FBXL17: variants seen among roughly 807,000 people sequenced by gnomAD.
FBXL17 encodes F-box/LRR-repeat protein 17.
A neutral mutation model predicts 66.2 loss-of-function variants in FBXL17; 22 were observed. The ratio of observed to expected loss-of-function variants is 0.33; its 90% CI spans 0.24 to 0.47. The LOEUF is 0.47. FBXL17 is among the 20% of genes least tolerant of loss of function. The pLI, the probability that FBXL17 is intolerant of heterozygous loss-of-function variation, is 1.00. For missense variants in FBXL17, 878 were observed against 948.2 expected, an observed-to-expected ratio of 0.93 and a Z score of 0.97; for synonymous variants, 474 against 400.5, an observed-to-expected ratio of 1.18 and a Z score of -2.19.
chr5:107,931,554 G>T (rs1261420684), intron 7 of FBXL17, among the ~76,000 whole-genome samples: 1 of 127,754 alleles, frequency 7.8e-6, no homozygotes, highest in Non-Finnish European at 1.8e-5. Flanking sequence ...ATGAGGCTGA[G>T]AATTTTTTTT....
At chr5:108,302,823 T>G (rs745363926) in intron 4 of FBXL17, among the ~76,000 whole-genome samples, 18 of 151,940 alleles carry the variant, frequency 1.2e-4, no homozygotes, top group Non-Finnish European at 2.2e-4. Context: ...TACAAATCAG[T>G]AATAATTCAT....
chr5:108,006,251 A>G (rs940126026), intron 7 of FBXL17, among the ~76,000 whole-genome samples: 5 of 152,240 alleles, frequency 3.3e-5, no homozygotes, highest in Non-Finnish European at 5.9e-5. Context: ...AAATTGTAGA[A>G]TGTTCATTGA....
At chr5:108,028,703 C>G (rs1754919073) in intron 6 of FBXL17, among the ~76,000 whole-genome samples, 1 of 152,088 alleles carries the variant, frequency 6.6e-6, no homozygotes, top group Non-Finnish European at 1.5e-5. Flanking sequence ...GCAACTCAGA[C>G]AAGATGCTGA....
intron 7 of FBXL17, among the ~76,000 whole-genome samples, chr5:107,980,250 A>G (rs1159129931): frequency 6.6e-6 from 1 of 152,106 alleles, no homozygotes; most frequent in Non-Finnish European, 1.5e-5. Flanking sequence ...AAAATGATAA[A>G]AGGACTTGAT....
intron 7 of FBXL17, among the ~76,000 whole-genome samples, chr5:108,005,207 C>A (rs1201094993): frequency 6.6e-6 from 1 of 151,292 alleles, no homozygotes; most frequent in Non-Finnish European, 1.5e-5. Context: ...CTCCCTCATG[C>A]AAAAATAAAA....
chr5:108,141,941 T>C (rs570272007), intron 6 of FBXL17, among the ~76,000 whole-genome samples: 1 of 152,364 alleles, frequency 6.6e-6, no homozygotes, highest in African/African-American at 2.4e-5. Flanking sequence ...CTCTCTGATA[T>C]ACTTCCAGCA....
At chr5:108,276,536 A>C (rs1216144702) in intron 4 of FBXL17, among the ~76,000 whole-genome samples, 1 of 152,126 alleles carries the variant, frequency 6.6e-6, no homozygotes, top group Non-Finnish European at 1.5e-5. Context: ...AAAACACTGC[A>C]ATCTACCACC....
chr5:108,198,594 G>C (rs1021943295), intron 5 of FBXL17, among the ~76,000 whole-genome samples: 2 of 152,144 alleles, frequency 1.3e-5, no homozygotes, highest in African/African-American at 4.8e-5. Context: ...CATTTTAAAG[G>C]GCAAGTAAGG....
At chr5:107,880,458 T>A in intron 8 of FBXL17, 1 of 992,860 alleles carries the variant, frequency 1.0e-6, no homozygotes, top group South Asian at 4.6e-5. Context: ...CCTGGCTGGT[T>A]CTACAGGCCT....
chr5:108,142,483 C>T (rs946421290), intron 6 of FBXL17, among the ~76,000 whole-genome samples: 2 of 152,132 alleles, frequency 1.3e-5, no homozygotes, highest in Admixed American at 1.3e-4. Context: ...TTTCTTAAAT[C>T]AACTCAAAGC....
chr5:108,143,782 C>T (rs900838767), intron 6 of FBXL17, among the ~76,000 whole-genome samples: 1 of 146,244 alleles, frequency 6.8e-6, no homozygotes, highest in Non-Finnish European at 1.5e-5. Context: ...GACTGATACT[C>T]ATCCTGTCTG....
At chr5:107,955,980 T>A (rs1207695315) in intron 7 of FBXL17, among the ~76,000 whole-genome samples, 1 of 152,162 alleles carries the variant, frequency 6.6e-6, no homozygotes, top group African/African-American at 2.4e-5. Flanking sequence ...TTACCTCTAA[T>A]TCATCTGAAG....
intron 6 of FBXL17, among the ~76,000 whole-genome samples, chr5:108,185,452 G>A (rs973376085): frequency 2.6e-5 from 4 of 152,130 alleles, no homozygotes; most frequent in Non-Finnish European, 5.9e-5. Context: ...TGCCATGCTT[G>A]TCAGTTTCCT....
intron 1 of FBXL17, among the ~76,000 whole-genome samples, chr5:108,376,122 CT>C (rs568307003): frequency 9.1e-4 from 139 of 152,306 alleles, no homozygotes; most frequent in African/African-American, 3.2e-3. Context: ...TAAAAGAACA[CT>C]TCCTCAACCT....
At chr5:108,303,955 T>C (rs570864307) in intron 4 of FBXL17, among the ~76,000 whole-genome samples, 7 of 152,106 alleles carry the variant, frequency 4.6e-5, no homozygotes, top group South Asian at 2.1e-4. Flanking sequence ...AAGAGTATAA[T>C]GGGTCCACAG....
intron 6 of FBXL17, among the ~76,000 whole-genome samples, chr5:108,075,494 G>A (rs1207211192): frequency 6.6e-6 from 1 of 152,104 alleles, no homozygotes; most frequent in African/African-American, 2.4e-5. Context: ...GTTTTGTTTT[G>A]AGATGGAGTT....
chr5:107,981,338 T>G (rs935812258), intron 7 of FBXL17, among the ~76,000 whole-genome samples: 5 of 152,244 alleles, frequency 3.3e-5, no homozygotes, highest in African/African-American at 1.2e-4. Flanking sequence ...ATTTTCTTCT[T>G]TACTGTTTCT....
At chr5:108,262,444 A>C (rs1006781650) in intron 4 of FBXL17, among the ~76,000 whole-genome samples, 2 of 152,194 alleles carry the variant, frequency 1.3e-5, no homozygotes, top group African/African-American at 4.8e-5. Flanking sequence ...AATTGTCAAA[A>C]GAAATAGAGA....
At chr5:107,905,098 T>C (rs1162521428) in intron 7 of FBXL17, among the ~76,000 whole-genome samples, 1 of 152,020 alleles carries the variant, frequency 6.6e-6, no homozygotes, top group African/African-American at 2.4e-5. Context: ...TCATAAAACT[T>C]AATAATAAAA....
Sources: gnomAD v4.1 joint callset for allele counts (sites outside exome capture counted in the v4.1 genomes callset) on GRCh38, gnomAD v4.1.1 for gene constraint, MANE v1.5 for transcripts, NCBI Gene and HGNC (gene_info 2026-07-23, HGNC 2026-07-21) for gene names.